The following SUCLG2 variants were observed in gnomAD, a reference collection of about 807,000 sequenced individuals.
The protein encoded by SUCLG2 is succinate--CoA ligase [GDP-forming] subunit beta, mitochondrial.
In SUCLG2, 42 loss-of-function variants were observed where a neutral mutation model predicts 47.9. The ratio of observed to expected loss-of-function variants is 0.88; its 90% confidence interval spans 0.69 to 1.14. The LOEUF (loss-of-function observed/expected upper bound fraction) is 1.14, where lower values mean the gene tolerates loss of function less well. Among genes scored for constraint, SUCLG2 ranks in the 50% most tolerant of loss-of-function variants. The pLI is 0.00. For synonymous variants in SUCLG2, 195 were observed against 197.3 expected (o/e 0.99, Z 0.10); for missense variants, 571 against 525.9 (o/e 1.09, Z -0.84).
rs191560962 is a variant in SUCLG2 at position 67,584,832 on chromosome 3, T to C, written c.226+24623A>G. ...CGGGCAAAGCAGGAAGAGCCCCTTA[T>C]AAAACCATCAGATCTCATGCGAACT... On this transcript the variant is annotated intron_variant, in intron 2 of 10. Coordinates refer to ENST00000307227, the MANE Select transcript of SUCLG2 (RefSeq NM_003848.4). Among the ~76,000 whole-genome samples, 4 of 152,228 alleles carry C rather than the reference T, an allele frequency of 2.6e-5. No individual in the cohort carries two copies. The East Asian group carries it at 7.7e-4, about 29-fold the overall frequency.
intron 2 of SUCLG2, among the ~76,000 whole-genome samples, chr3:67,576,304 T>A (rs918653031): frequency 9.9e-5 from 15 of 152,080 alleles, no homozygotes; most frequent in Non-Finnish European, 1.8e-4. Flanking sequence ...CTAGCGACTC[T>A]CTGAAGAGAG....
At chr3:67,536,657 T>G (rs2107164381) in intron 2 of SUCLG2, among the ~76,000 whole-genome samples, 1 of 152,336 alleles carries the variant, frequency 6.6e-6, no homozygotes, top group Admixed American at 6.5e-5. Context: ...TTAGAGGAAC[T>G]CATTCTCCAG....
intron 1 of SUCLG2, among the ~76,000 whole-genome samples, chr3:67,623,295 T>C (rs1420590282): frequency 6.6e-6 from 1 of 151,994 alleles, no homozygotes; most frequent in Non-Finnish European, 1.5e-5. Flanking sequence ...GGTCAGGACA[T>C]CGAGACCATA....
chr3:67,482,684 G>GT (rs1160435789), intron 9 of SUCLG2, among the ~76,000 whole-genome samples: 1 of 152,134 alleles, frequency 6.6e-6, no homozygotes, highest in African/African-American at 2.4e-5. Flanking sequence ...TGATTTTGGT[G>GT]TTTTCTCTCA....
At chr3:67,582,827 A>G (rs1004075052) in intron 2 of SUCLG2, among the ~76,000 whole-genome samples, 2 of 152,144 alleles carry the variant, frequency 1.3e-5, no homozygotes, top group East Asian at 3.9e-4. Flanking sequence ...TACACCACAC[A>G]TCTAAACCAT....
chr3:67,577,450 GA>G (rs925974093), intron 2 of SUCLG2, among the ~76,000 whole-genome samples: 1 of 151,708 alleles, frequency 6.6e-6, no homozygotes, highest in African/African-American at 2.4e-5. Context: ...GAGCTAGAGA[GA>G]AAAAAAACGA....
At chr3:67,581,630 G>C (rs978170036) in intron 2 of SUCLG2, among the ~76,000 whole-genome samples, 1 of 152,130 alleles carries the variant, frequency 6.6e-6, no homozygotes, top group Non-Finnish European at 1.5e-5. Context: ...ATCAAGTTAG[G>C]GAGACAGATG....
chr3:67,495,810 T>C lies in SUCLG2; in HGVS notation c.1050A>G (p.Thr350=). The change falls in exon 9 of 11, where the codon ACA becomes ACG. Residue 350 remains threonine (T), a synonymous_variant. Transcript: ENST00000307227. ...AGAGAAAGGTTACCTTAGGATCAGC[T>C]GTGAGCAATTTGAATGCTTGATATA... is the stretch of plus-strand genomic sequence containing the variant. ...AQVYQAFKLL[T]ADPKVEAILV... is the part of the protein sequence containing the mutation. The C allele has an allele frequency of 6.2e-7, 1 of 1,613,904 alleles. No homozygotes were observed. Among genetic ancestry groups the C allele is most frequent in the Non-Finnish European group, 8.5e-7 (1 of 1,179,952 alleles).
At chr3:67,439,741 A>G (rs2106907818) in intron 9 of SUCLG2, among the ~76,000 whole-genome samples, 1 of 152,372 alleles carries the variant, frequency 6.6e-6, no homozygotes, top group East Asian at 1.9e-4. Context: ...GGACACAAAC[A>G]AATGGAAAAA....
intron 2 of SUCLG2, among the ~76,000 whole-genome samples, chr3:67,542,065 G>C (rs1285273604): frequency 6.6e-6 from 1 of 151,786 alleles, no homozygotes; most frequent in Non-Finnish European, 1.5e-5. Flanking sequence ...GTAGAGACGG[G>C]GTTTCTCCAT....
chr3:67,514,101 T>A (rs1407857844), intron 6 of SUCLG2: 2 of 328,952 alleles, frequency 6.1e-6, no homozygotes, highest in Non-Finnish European at 6.1e-6. Context: ...ACAACGACCC[T>A]AACTGCTGAC....
At chr3:67,374,342 A>G (rs571488658), downstream of SUCLG2, among the ~76,000 whole-genome samples, 52 of 152,214 alleles carry the variant, frequency 3.4e-4, no homozygotes, top group Non-Finnish European at 5.3e-4. Flanking sequence ...GGTAAAAAAA[A>G]CAAACAAAAT....
intron 1 of SUCLG2, among the ~76,000 whole-genome samples, chr3:67,629,314 T>A (rs1700887722): frequency 6.6e-6 from 1 of 152,192 alleles, no homozygotes; most frequent in Non-Finnish European, 1.5e-5. Context: ...CTGCTCCCAC[T>A]CCAGATGCCA....
chr3:67,600,153 C>T (rs1708385286), intron 2 of SUCLG2, among the ~76,000 whole-genome samples: 1 of 152,138 alleles, frequency 6.6e-6, no homozygotes, highest in Admixed American at 6.5e-5. Flanking sequence ...TATCAACCAA[C>T]AGTACACAAG....
chr3:67,568,734 A>G (rs1345872092), intron 2 of SUCLG2, among the ~76,000 whole-genome samples: 1 of 152,094 alleles, frequency 6.6e-6, no homozygotes, highest in Non-Finnish European at 1.5e-5. Flanking sequence ...AAAAATACAA[A>G]AAATTAGCCG....
intron 10 of SUCLG2, among the ~76,000 whole-genome samples, chr3:67,385,737 T>G (rs1702245213): frequency 6.6e-6 from 1 of 152,234 alleles, no homozygotes; most frequent in Admixed American, 6.5e-5. Flanking sequence ...ATCCTCCAAC[T>G]ACTTCTTTTT....
At chr3:67,575,516 C>A (rs1707720824) in intron 2 of SUCLG2, among the ~76,000 whole-genome samples, 1 of 151,994 alleles carries the variant, frequency 6.6e-6, no homozygotes, top group African/African-American at 2.4e-5. Flanking sequence ...TTGCCTGGGG[C>A]TGGGGGTGAG....
chr3:67,394,243 A>C (rs539142148), intron 10 of SUCLG2, among the ~76,000 whole-genome samples: 1 of 152,258 alleles, frequency 6.6e-6, no homozygotes, highest in East Asian at 1.9e-4. Flanking sequence ...GAGGAAATTC[A>C]AACCAAAGGC....
At chr3:67,595,308 G>A (rs1028670133) in intron 2 of SUCLG2, among the ~76,000 whole-genome samples, 1 of 152,178 alleles carries the variant, frequency 6.6e-6, no homozygotes, top group Non-Finnish European at 1.5e-5. Flanking sequence ...CAACAGACCA[G>A]TTCCTTGTTC....
Sources: allele counts gnomAD v4.1 joint callset (sites outside exome capture counted in the v4.1 genomes callset), GRCh38; gene constraint gnomAD v4.1.1; transcripts MANE v1.5; gene names NCBI Gene and HGNC (gene_info 2026-07-23, HGNC 2026-07-21).